The following TOX3 variants were observed in gnomAD, a reference collection of about 807,000 sequenced individuals.
The protein encoded by TOX3 is CAG trinucleotide repeat-containing gene F9 protein.
A neutral mutation model predicts 64.3 loss-of-function variants in TOX3; 22 were observed. The ratio of observed to expected loss-of-function variants is 0.34; its 90% CI spans 0.24 to 0.49. TOX3 has a LOEUF of 0.49. Ranked by LOEUF, TOX3 falls within the 20% of genes least tolerant of loss-of-function variation. The pLI is 0.99. For missense variants in TOX3, 661 were observed against 714.4 expected (o/e 0.93, Z 0.85); for synonymous variants, 291 against 273.6 (o/e 1.06, Z -0.63).
chr16:52,515,040 G>T, intron 1 of TOX3, among the ~76,000 whole-genome samples: 1 of 86,446 alleles, frequency 1.2e-5, no homozygotes, highest in East Asian at 3.6e-4. Context: ...AAAAAAAAAG[G>T]ACCCAAGAGA....
At chr16:52,476,938 T>C (rs953414591) in intron 1 of TOX3, among the ~76,000 whole-genome samples, 2 of 152,174 alleles carry the variant, frequency 1.3e-5, no homozygotes, top group East Asian at 1.9e-4. Context: ...CAAAAAGGAA[T>C]GGCCTTTCAG....
intron 5 of TOX3, 66 bp downstream of exon 5, chr16:52,445,928 G>C (rs1960148322): frequency 1.4e-6 from 2 of 1,439,446 alleles, no homozygotes; most frequent in Non-Finnish European, 1.9e-6. Flanking sequence ...ACTTGGAAAA[G>C]GTGTGAGGAA....
At chr16:52,483,803 A>AG (rs45622334) in intron 1 of TOX3, among the ~76,000 whole-genome samples, 79,215 of 151,528 alleles carry the variant, frequency 0.52, 21,742 homozygotes, top group East Asian at 0.74. Flanking sequence ...TCCTGACCTC[A>AG]GTGATCCTCC....
chr16:52,497,983 C>A (rs764128512), intron 1 of TOX3, among the ~76,000 whole-genome samples: 5 of 152,150 alleles, frequency 3.3e-5, no homozygotes, highest in Non-Finnish European at 5.9e-5. Flanking sequence ...ATGATGCGAT[C>A]TACTGCACAT....
intron 1 of TOX3, among the ~76,000 whole-genome samples, chr16:52,523,270 G>A (rs1329010801): frequency 6.6e-6 from 1 of 152,098 alleles, no homozygotes; most frequent in Non-Finnish European, 1.5e-5. Flanking sequence ...GTGTGCCAGG[G>A]GTTTCCAAGT....
At chr16:52,483,239 A>G (rs1961414423) in intron 1 of TOX3, among the ~76,000 whole-genome samples, 1 of 152,244 alleles carries the variant, frequency 6.6e-6, no homozygotes, top group South Asian at 2.1e-4. Context: ...GTGACACTGA[A>G]TATCTTAATG....
chr16:52,470,260 T>C (rs1961003582), intron 1 of TOX3, among the ~76,000 whole-genome samples: 1 of 152,244 alleles, frequency 6.6e-6, no homozygotes, highest in African/African-American at 2.4e-5. Context: ...CAGGTCTCCA[T>C]GCAAATGTTC....
chr16:52,458,053 A>G (rs1049445911), intron 3 of TOX3, among the ~76,000 whole-genome samples: 7 of 152,178 alleles, frequency 4.6e-5, no homozygotes, highest in Admixed American at 3.3e-4. Flanking sequence ...CACTTATTTT[A>G]TTCAGTCCTA....
In TOX3 at chr16:52,439,755, C is replaced by A. The variant is rs751507413; in HGVS notation, c.1201G>T (p.Val401Phe). 1.9e-5 allele frequency: 30 copies of A among 1,613,822 alleles called. No homozygotes were observed. In the South Asian group the frequency reaches 3.1e-4, roughly 17 times the overall value. ...RLPMNQIVTSVTIAANMPSNI... is the reference protein window; with the variant it reads ...RLPMNQIVTSFTIAANMPSNI... ...GAGGGCATGTTGGCTGCAATGGTGA[C>A]TGATGTGACAATCTGGTTCATGGGG... Residue 401 changes from valine (V) to phenylalanine (F), a missense_variant, in exon 7 of 7, where the codon GTC (valine) becomes TTC (phenylalanine). Around this residue, in one of 3 missense-constraint regions of TOX3, gnomAD observed 299 missense variants for 292.1 expected, o/e 1.02. Transcript: ENST00000219746.
intron 1 of TOX3, among the ~76,000 whole-genome samples, chr16:52,527,079 T>G (rs111857673): frequency 0.067 from 10,220 of 152,144 alleles, 1,128 homozygotes; most frequent in African/African-American, 0.23. Flanking sequence ...GTGCACTCCA[T>G]GCCAGACACA....
At chr16:52,481,759 T>C (rs1961374495) in intron 1 of TOX3, among the ~76,000 whole-genome samples, 1 of 152,252 alleles carries the variant, frequency 6.6e-6, no homozygotes, top group Non-Finnish European at 1.5e-5. Context: ...AAGAATATCT[T>C]GATTACATAC....
At chr16:52,547,649 C>T (rs1424426773), upstream of TOX3, 2 of 152,368 alleles carry the variant, frequency 1.3e-5, no homozygotes, top group African/African-American at 4.8e-5. Context: ...CGTGGACACA[C>T]CTAACCCAGA....
chr16:52,450,233 C>T, intron 4 of TOX3, 44 bp downstream of exon 4: 1 of 1,609,168 alleles, frequency 6.2e-7, no homozygotes, highest in Non-Finnish European at 8.5e-7. Flanking sequence ...TGGGGTAATC[C>T]CATATTCTCT....
At chr16:52,512,559 T>C (rs150677588) in intron 1 of TOX3, among the ~76,000 whole-genome samples, 2,175 of 152,304 alleles carry the variant, frequency 0.014, 73 homozygotes, top group African/African-American at 0.05. Context: ...CCAAAGTCCA[T>C]GCCCTTGGTG....
chr16:52,483,411 C>T (rs1961418450), intron 1 of TOX3, among the ~76,000 whole-genome samples: 1 of 152,108 alleles, frequency 6.6e-6, no homozygotes, highest in Admixed American at 6.5e-5. Context: ...GCTGGGAAAA[C>T]ACCACGGGCG....
At chr16:52,505,842 G>A (rs994346848) in intron 1 of TOX3, among the ~76,000 whole-genome samples, 3 of 152,042 alleles carry the variant, frequency 2.0e-5, no homozygotes, top group African/African-American at 7.2e-5. Flanking sequence ...TGGGCATGGT[G>A]GCACATGCCT....
chr16:52,443,096 T>A (rs1344915551), intron 6 of TOX3, among the ~76,000 whole-genome samples: 1 of 152,210 alleles, frequency 6.6e-6, no homozygotes, highest in East Asian at 1.9e-4. Flanking sequence ...GATAAATGAA[T>A]GAATAAATGA....
intron 1 of TOX3, among the ~76,000 whole-genome samples, chr16:52,514,059 C>A (rs1260143333): frequency 6.6e-6 from 1 of 152,144 alleles, no homozygotes; most frequent in Non-Finnish European, 1.5e-5. Context: ...TTGACCACTG[C>A]AGAAAAGGGA....
chr16:52,450,791 T>TGGAA (rs555228421), intron 3 of TOX3, among the ~76,000 whole-genome samples: 6,772 of 115,632 alleles, frequency 0.059, 293 homozygotes, highest in East Asian at 0.12. Flanking sequence ...TCAGTGGATG[T>TGGAA]GGAAGGAAGG....
Sources: allele counts gnomAD v4.1 joint callset (sites outside exome capture counted in the v4.1 genomes callset), GRCh38; gene constraint gnomAD v4.1.1; regional missense constraint gnomAD v4.1.1; transcripts MANE v1.5; gene names NCBI Gene and HGNC (gene_info 2026-07-23, HGNC 2026-07-21).